Variants in MIX23 observed in about 807,000 individuals in gnomAD.
The protein encoded by MIX23 is mitochondrial matrix import factor 23.
MIX23 carries 13 observed loss-of-function variants against 21.6 expected under a neutral mutation model. The observed-to-expected ratio is 0.60, with a 90% CI of 0.39 to 0.96. The LOEUF (loss-of-function observed/expected upper bound fraction) is 0.96. Among genes scored for constraint, MIX23 ranks in the 40% least tolerant of loss-of-function variants. The pLI is 0.00. For missense variants in MIX23, 144 were observed against 171.2 expected (o/e 0.84, Z 0.89); for synonymous variants, 59 against 58.0 (o/e 1.02, Z -0.08).
At chr3:122,376,166 C>CA (rs1158747986) in intron 1 of MIX23, among the ~76,000 whole-genome samples, 2,615 of 64,194 alleles carry the variant, frequency 0.041, 288 homozygotes, top group East Asian at 0.1. Context: ...GACTCCGTCT[C>CA]AAAAAAAAAA....
chr3:122,359,861 A>AAAAAAAATAT lies in MIX23; in HGVS notation c.*7_*8insATATTTTTTT. The AAAAAAAATAT allele has an allele frequency of 6.7e-7, 1 of 1,488,612 alleles. No individual in the cohort carries two copies. The highest frequency in any genetic ancestry group is 9.0e-7 in the Non-Finnish European group (1 of 1,107,570). 92.2% of individuals were successfully genotyped at this position (1,488,612 alleles called of 1,614,324 possible). ...AAAAAAAAAAAAAAAAAAAAAAAGA[A>AAAAAAAATAT]TCTCTCTTTATTCATTCTTTGGAGG... On this transcript the variant is annotated 3_prime_UTR_variant, in exon 5 of 5. Coordinates refer to ENST00000291458, the MANE Select transcript of MIX23 (RefSeq NM_001017928.4).
chr3:122,362,858 C>A, intron 4 of MIX23, 110 bp downstream of exon 4: 1 of 554,522 alleles, frequency 1.8e-6, no homozygotes. Flanking sequence ...AACGAGTGAT[C>A]TCTACTTTCC....
At chr3:122,382,295 T>G (rs1229905225) in intron 1 of MIX23, among the ~76,000 whole-genome samples, 1 of 152,208 alleles carries the variant, frequency 6.6e-6, no homozygotes, top group East Asian at 1.9e-4. Flanking sequence ...ACACTCTCGC[T>G]ACAAAATTTC....
At chr3:122,359,955 T>C (rs1201022538) in intron 4 of MIX23, 36 bp from the exon 5 acceptor site, 1 of 1,562,502 alleles carries the variant, frequency 6.4e-7, no homozygotes, top group African/African-American at 1.4e-5. Context: ...GTCATTGAGT[T>C]ATCCTGCGTA....
chr3:122,366,097 G>C (rs9812341), intron 3 of MIX23, among the ~76,000 whole-genome samples: 30,136 of 151,618 alleles, frequency 0.2, 3,623 homozygotes, highest in African/African-American at 0.33. Context: ...AGAATCTCTT[G>C]AACCTGGGAG....
intron 1 of MIX23, among the ~76,000 whole-genome samples, chr3:122,372,198 T>A (rs570654819): frequency 3.5e-4 from 46 of 130,820 alleles, no homozygotes; most frequent in African/African-American, 1.3e-3. Flanking sequence ...CAAGGATCCA[T>A]CTTACCTCAG....
intron 1 of MIX23, among the ~76,000 whole-genome samples, chr3:122,375,801 C>A (rs532956095): frequency 2.1e-4 from 32 of 152,168 alleles, no homozygotes; most frequent in Admixed American, 2.0e-4. Flanking sequence ...TCTCAGAGAA[C>A]CAACAACAGA....
intron 3 of MIX23, among the ~76,000 whole-genome samples, chr3:122,365,792 CT>C (rs2075392430): frequency 6.6e-6 from 1 of 152,192 alleles, no homozygotes; most frequent in Admixed American, 6.6e-5. Context: ...ATTTAACAGC[CT>C]TTGCCCTGCA....
At chr3:122,375,660 G>C (rs2075480585) in intron 1 of MIX23, among the ~76,000 whole-genome samples, 1 of 152,078 alleles carries the variant, frequency 6.6e-6, no homozygotes, top group Non-Finnish European at 1.5e-5. Flanking sequence ...TTAAAATCTT[G>C]TATAATAAAA....
Position 122,382,044 on chromosome 3 carries a change from C to A in MIX23, c.51+1130G>T, listed in dbSNP as rs139362086. On this transcript the variant is annotated intron_variant, in intron 1 of 4. Transcript: ENST00000291458. ...TTATGGCAGCCCTAGCGGACTAATA[C>A]AGTATCTAATAAATTCTTGAATGCA... Among the ~76,000 whole-genome samples the A allele has an allele frequency of 2.7e-3, 406 of 152,314 alleles. 2 individuals carry two copies. Among genetic ancestry groups the A allele is most frequent in the African/African-American group, 9.4e-3 (392 of 41,576 alleles).
intron 3 of MIX23, among the ~76,000 whole-genome samples, chr3:122,363,268 T>A (rs898149932): frequency 1.3e-5 from 2 of 149,508 alleles, no homozygotes; most frequent in African/African-American, 4.9e-5. Flanking sequence ...TTGAGAGCTT[T>A]AAAAAAAAAA....
At chr3:122,381,676 C>T (rs1410115445) in intron 1 of MIX23, among the ~76,000 whole-genome samples, 2 of 150,002 alleles carry the variant, frequency 1.3e-5, no homozygotes, top group African/African-American at 4.9e-5. Context: ...CAAGATTGTG[C>T]CACTGCACTC....
At chr3:122,378,069 C>G (rs2075501956) in intron 1 of MIX23, among the ~76,000 whole-genome samples, 1 of 152,124 alleles carries the variant, frequency 6.6e-6, no homozygotes, top group African/African-American at 2.4e-5. Context: ...CACAGGGAAC[C>G]AAACATGTGT....
At chr3:122,370,368 A>G (rs899296651) in intron 2 of MIX23, among the ~76,000 whole-genome samples, 3 of 149,958 alleles carry the variant, frequency 2.0e-5, no homozygotes, top group African/African-American at 7.3e-5. Flanking sequence ...GAGGTGCAAG[A>G]ATCATTTGAA....
At chr3:122,367,349 A>T (rs1305551025) in intron 3 of MIX23, among the ~76,000 whole-genome samples, 1 of 152,238 alleles carries the variant, frequency 6.6e-6, no homozygotes, top group Non-Finnish European at 1.5e-5. Context: ...AAAGAAAGAC[A>T]GCAATAAATC....
intron 4 of MIX23, among the ~76,000 whole-genome samples, chr3:122,360,157 C>T (rs919374000): frequency 1.3e-5 from 2 of 151,460 alleles, no homozygotes; most frequent in African/African-American, 4.9e-5. Context: ...ATTTAAGTTA[C>T]TTCGGGAAAA....
chr3:122,370,757 G>A (rs562082269), intron 2 of MIX23, among the ~76,000 whole-genome samples: 1 of 152,228 alleles, frequency 6.6e-6, no homozygotes, highest in East Asian at 1.9e-4. Context: ...AGCCAATTAG[G>A]ACTAGGTCCC....
chr3:122,369,894 C>T (rs988165315), intron 2 of MIX23, among the ~76,000 whole-genome samples: 10 of 152,116 alleles, frequency 6.6e-5, no homozygotes, highest in South Asian at 4.1e-4. Flanking sequence ...GGACTATAGG[C>T]GCACACCACT....
chr3:122,381,451 C>G (rs998167731), intron 1 of MIX23, among the ~76,000 whole-genome samples: 1 of 152,178 alleles, frequency 6.6e-6, no homozygotes, highest in African/African-American at 2.4e-5. Context: ...ATAGGCTGGG[C>G]GCCATGGCTC....
Sources: gnomAD v4.1 joint callset for allele counts (sites outside exome capture counted in the v4.1 genomes callset) on GRCh38, gnomAD v4.1.1 for gene constraint, MANE v1.5 for transcripts, NCBI Gene and HGNC (gene_info 2026-07-23, HGNC 2026-07-21) for gene names.